The following CDH13 variants were observed in gnomAD, a reference collection of about 807,000 sequenced individuals.
CDH13 encodes the protein cadherin 13.
CDH13 carries 24 observed loss-of-function variants against 63.8 expected under a neutral mutation model. That is an observed-to-expected ratio of 0.38 (90% CI 0.27 to 0.53). CDH13 has a LOEUF of 0.53. Among genes scored for constraint, CDH13 ranks in the 20% least tolerant of loss-of-function variants. The pLI is 0.85. For missense variants in CDH13, 1,049 were observed against 903.1 expected (o/e 1.16, Z -2.07); for synonymous variants, 503 against 355.3 (o/e 1.42, Z -4.67).
intron 6 of CDH13, among the ~76,000 whole-genome samples, chr16:83,413,933 A>C (rs1446967046): frequency 6.6e-6 from 1 of 152,198 alleles, no homozygotes; most frequent in East Asian, 1.9e-4. Context: ...TGCAGGTTGC[A>C]GTAAGCTGAG....
intron 6 of CDH13, among the ~76,000 whole-genome samples, chr16:83,378,545 C>T (rs1321900627): frequency 6.6e-6 from 1 of 152,172 alleles, no homozygotes; most frequent in East Asian, 1.9e-4. Context: ...TGGGATGCAA[C>T]TGTGAGTCTG....
At chr16:83,502,370 T>A (rs1567717352) in intron 7 of CDH13, among the ~76,000 whole-genome samples, 1 of 151,982 alleles carries the variant, frequency 6.6e-6, no homozygotes, top group Non-Finnish European at 1.5e-5. Flanking sequence ...TGGACAGAGC[T>A]TCTGGCATCT....
At chr16:83,368,163 T>G (rs1280570742) in intron 6 of CDH13, among the ~76,000 whole-genome samples, 1 of 152,234 alleles carries the variant, frequency 6.6e-6, no homozygotes, top group Non-Finnish European at 1.5e-5. Flanking sequence ...ACATAGACAT[T>G]ATTATGCTTA....
At chr16:83,594,363 T>C (rs1371992469) in intron 7 of CDH13, among the ~76,000 whole-genome samples, 1 of 152,202 alleles carries the variant, frequency 6.6e-6, no homozygotes, top group Non-Finnish European at 1.5e-5. Flanking sequence ...AGTGAGAACA[T>C]AAGCAACTTG....
At chr16:83,445,595 G>A (rs1268677720) in intron 6 of CDH13, among the ~76,000 whole-genome samples, 1 of 152,092 alleles carries the variant, frequency 6.6e-6, no homozygotes, top group Admixed American at 6.5e-5. Context: ...TTCACACTTG[G>A]CTTTAATTTC....
intron 8 of CDH13, among the ~76,000 whole-genome samples, chr16:83,643,293 A>AG (rs1484734526): frequency 6.5e-5 from 5 of 76,566 alleles, no homozygotes; most frequent in Non-Finnish European, 1.4e-4. Context: ...TAAAAAAAAA[A>AG]AAAAAAAAGA....
At chr16:82,891,038 T>G (rs201341735) in intron 2 of CDH13, among the ~76,000 whole-genome samples, 3 of 55,414 alleles carry the variant, frequency 5.4e-5, no homozygotes, top group Admixed American at 4.2e-4. Context: ...TAGAGGAGGG[T>G]TTTTTTTTTT....
chr16:83,477,867 A>G (rs1258260177), intron 6 of CDH13, among the ~76,000 whole-genome samples: 1 of 152,112 alleles, frequency 6.6e-6, no homozygotes, highest in Non-Finnish European at 1.5e-5. Flanking sequence ...CTAAAAATCC[A>G]AATTCCCACC....
At chr16:82,838,863 C>A (rs1022201985) in intron 1 of CDH13, among the ~76,000 whole-genome samples, 3 of 152,226 alleles carry the variant, frequency 2.0e-5, no homozygotes, top group Non-Finnish European at 4.4e-5. Flanking sequence ...GTAAAGGTCC[C>A]TGCCCTCTGG....
intron 7 of CDH13, among the ~76,000 whole-genome samples, chr16:83,599,595 C>G (rs1005637160): frequency 6.6e-6 from 1 of 152,040 alleles, no homozygotes; most frequent in Admixed American, 6.6e-5. Context: ...AAATTGTCAA[C>G]ATTTTGAAAA....
At chr16:83,738,174 T>A (rs1163381587) in intron 10 of CDH13, among the ~76,000 whole-genome samples, 1 of 152,180 alleles carries the variant, frequency 6.6e-6, no homozygotes, top group Non-Finnish European at 1.5e-5. Context: ...TTTGTGTAAT[T>A]ACTAATTTAT....
At chr16:83,116,106 C>A (rs1196893612) in intron 3 of CDH13, among the ~76,000 whole-genome samples, 3 of 152,176 alleles carry the variant, frequency 2.0e-5, no homozygotes, top group African/African-American at 7.2e-5. Flanking sequence ...CAGGGACAGA[C>A]AAAACTTGGA....
chr16:82,964,538 G>A (rs904004348), intron 2 of CDH13, among the ~76,000 whole-genome samples: 49 of 152,142 alleles, frequency 3.2e-4, no homozygotes, highest in Non-Finnish European at 4.4e-5. Context: ...TAAAGGCCAT[G>A]GCTTGTTTCC....
At chr16:82,805,789 G>T (rs2037110830) in intron 1 of CDH13, among the ~76,000 whole-genome samples, 1 of 152,180 alleles carries the variant, frequency 6.6e-6, no homozygotes, top group African/African-American at 2.4e-5. Context: ...CCAGTCTGTT[G>T]TGGGTGTGCT....
At chr16:82,809,775 G>T (rs2151177728) in intron 1 of CDH13, among the ~76,000 whole-genome samples, 1 of 152,172 alleles carries the variant, frequency 6.6e-6, no homozygotes, top group Admixed American at 6.5e-5. Context: ...CCCGTTTTCT[G>T]AGCCGTTTCG....
chr16:83,350,642 G>A (rs2090934127), intron 6 of CDH13, among the ~76,000 whole-genome samples: 1 of 152,126 alleles, frequency 6.6e-6, no homozygotes, highest in South Asian at 2.1e-4. Flanking sequence ...ACTGGACCTG[G>A]CAGGTGCTGC....
chr16:83,349,959 G>A (rs1275012760), intron 6 of CDH13, among the ~76,000 whole-genome samples: 2 of 152,014 alleles, frequency 1.3e-5, no homozygotes, highest in Non-Finnish European at 2.9e-5. Flanking sequence ...ATCCTTTTTG[G>A]GGAGCTCAAG....
At position 83,800,361 on chromosome 16, in the gene CDH13, CAT is replaced by C. The variant is rs1273289888; in HGVS notation, c.*5332_*5333del. On this transcript the variant is annotated 3_prime_UTR_variant, in exon 14 of 14. Transcript: ENST00000567109. ...AGAGTTATATCTGTGTTGTCATGCA[CAT>C]GTCAACACTGTCCTGATGACAAAAT... The C allele has an allele frequency of 6.6e-5, 10 of 152,174 alleles. No individual in the cohort carries two copies. The allele number at this position is 152,174 out of a possible 1,614,324, so 9.4% of individuals were successfully genotyped here. A position where few individuals can be genotyped will look rare whatever the true frequency, so the allele number is the denominator to read the frequency against.
chr16:82,891,598 G>GA (rs1374446315), intron 2 of CDH13, among the ~76,000 whole-genome samples: 1 of 152,182 alleles, frequency 6.6e-6, no homozygotes, highest in Non-Finnish European at 1.5e-5. Flanking sequence ...TTTTGGATCA[G>GA]AAAATACCAT....
Sources: allele counts gnomAD v4.1 joint callset (sites outside exome capture counted in the v4.1 genomes callset), GRCh38; gene constraint gnomAD v4.1.1; transcripts MANE v1.5; gene names NCBI Gene and HGNC (gene_info 2026-07-23, HGNC 2026-07-21).